Variants in FBXO9 observed in about 807,000 individuals in gnomAD.
The protein encoded by FBXO9 is F-box protein 9, also known as F-box only protein 9.
Under a neutral mutation model 63.7 loss-of-function variants are expected in FBXO9, and 43 were observed. The ratio of observed to expected loss-of-function variants is 0.67; its 90% CI spans 0.53 to 0.87. The LOEUF (loss-of-function observed/expected upper bound fraction) is 0.87. Ranked by LOEUF, FBXO9 falls within the 40% of genes least tolerant of loss-of-function variation. FBXO9 has a pLI of 0.00. For missense variants in FBXO9, 442 were observed against 533.2 expected (o/e 0.83, Z 1.68); for synonymous variants, 156 against 171.7 (o/e 0.91, Z 0.72).
At chr6:53,065,371 G>C (rs1768650406), upstream of FBXO9, 2 of 170,990 alleles carry the variant, frequency 1.2e-5, no homozygotes, top group South Asian at 1.9e-4. Flanking sequence ...ATGGGTGGCC[G>C]GGCCGCCCAC....
intron 7 of FBXO9, among the ~76,000 whole-genome samples, chr6:53,083,590 A>T (rs761753330): frequency 2.6e-5 from 4 of 152,220 alleles, no homozygotes; most frequent in Non-Finnish European, 5.9e-5. Context: ...CGCCAGTCTG[A>T]GATTGGACAG....
chr6:53,086,910 A>T (rs889717393), intron 7 of FBXO9, among the ~76,000 whole-genome samples: 3 of 152,100 alleles, frequency 2.0e-5, no homozygotes, highest in Non-Finnish European at 2.9e-5. Context: ...CAAAAAAATT[A>T]GCTGGGTGTG....
chr6:53,083,589 G>C (rs558627773), intron 7 of FBXO9, among the ~76,000 whole-genome samples: 8 of 152,350 alleles, frequency 5.3e-5, no homozygotes, highest in African/African-American at 1.9e-4. Context: ...ACGCCAGTCT[G>C]AGATTGGACA....
intron 9 of FBXO9, 118 bp from the exon 10 acceptor site, chr6:53,093,348 C>T (rs1763101448): frequency 5.1e-6 from 3 of 593,768 alleles, no homozygotes; most frequent in Non-Finnish European, 5.9e-6. Context: ...GTTCTTTAGC[C>T]CGTGGTATTT....
intron 1 of FBXO9, among the ~76,000 whole-genome samples, chr6:53,067,466 A>G (rs1315377840): frequency 1.3e-5 from 2 of 152,186 alleles, no homozygotes; most frequent in East Asian, 3.8e-4. Flanking sequence ...ACTAAGATGA[A>G]CCCTGAGCTG....
rs756742490 is a variant in FBXO9, at chr6:53,071,052, C to A, written c.4-5C>A. ...CCTGACATTATTTGGGTTTTCCCCC[C>A]TCAGGCAGAAGCTGAGGAAGATTGT... On this transcript the variant is annotated splice_region_variant and splice_polypyrimidine_tract_variant and intron_variant, in intron 1 of 12. Coordinates refer to ENST00000323557, the MANE Select transcript of FBXO9 (RefSeq NM_033480.3). 6 of 1,567,892 alleles carry A rather than the reference C, an allele frequency of 3.8e-6. No individual in the cohort carries two copies. Among genetic ancestry groups the A allele is most frequent in the South Asian group, 3.5e-5 (3 of 85,110 alleles).
At chr6:53,089,685 G>A (rs1762990308) in intron 7 of FBXO9, among the ~76,000 whole-genome samples, 1 of 152,134 alleles carries the variant, frequency 6.6e-6, no homozygotes, top group South Asian at 2.1e-4. Context: ...AAGACAAAAA[G>A]TTTATCATCT....
At position 53,078,791 on chromosome 6, in the gene FBXO9, T is replaced by A; in HGVS notation, c.308-8T>A. 2.5e-6 allele frequency: 4 copies of A among 1,601,254 alleles called. No homozygotes were observed. The highest frequency in any genetic ancestry group is 3.4e-6 in the Non-Finnish European group (4 of 1,168,548). ...TCACAGCTAATTTAGCTTTATTTCT[T>A]CTTTTAGCCATCAAGTTTTATCGTA... On this transcript the variant is annotated splice_polypyrimidine_tract_variant and splice_region_variant and intron_variant, in intron 4 of 12. Transcript: ENST00000323557.
rs1286579524 is a variant in FBXO9, at chr6:53,078,850, A to G, written c.359A>G (p.Lys120Arg). The change falls in exon 5 of 13, where the codon AAG becomes AGG. Residue 120 changes from lysine to arginine, a missense_variant. Transcript: ENST00000323557. ...AMQLVPDIEF[K>R]ITYTRSPDGD... Reference sequence around the variant, plus strand: ...CAACTTGTACCTGATATAGAGTTCAAGATTACTTATACCCGGTCTCCAGAT... The same window carrying G: ...CAACTTGTACCTGATATAGAGTTCAGGATTACTTATACCCGGTCTCCAGAT... 6.2e-7 allele frequency: 1 copy of G among 1,613,794 alleles called. No homozygotes were observed. The highest frequency in any genetic ancestry group is 1.3e-5 in the African/African-American group (1 of 74,932).
chr6:53,069,311 T>A (rs1347785692), intron 1 of FBXO9, among the ~76,000 whole-genome samples: 4 of 152,230 alleles, frequency 2.6e-5, no homozygotes, highest in Non-Finnish European at 4.4e-5. Flanking sequence ...GTGAAGAAGA[T>A]AACTATAAAG....
rs1763066317 is a variant in FBXO9, at chr6:53,092,442, T to C, written c.667T>C (p.Trp223Arg). 6.2e-7 allele frequency: 1 copy of C among 1,613,558 alleles called. No individual in the cohort carries two copies. Among genetic ancestry groups the C allele is most frequent in the Non-Finnish European group, 8.5e-7 (1 of 1,179,490 alleles). ...TTTATTCCCTAGAGACCCTGAAATA[T>C]GGCGTCTGGCCTGCTTGAAAGTTTG... ...FYICARDPEI[W>R]RLACLKVWGR... Residue 223 changes from tryptophan to arginine, a missense_variant, in exon 8 of 13, where the codon TGG (tryptophan) becomes CGG (arginine). Around this residue, in one of 2 missense-constraint regions of FBXO9, gnomAD observed 262 missense variants for 362.1 expected, o/e 0.72. Transcript: ENST00000323557.
chr6:53,093,779 T>C, intron 10 of FBXO9, 106 bp from the exon 11 acceptor site: 1 of 974,206 alleles, frequency 1.0e-6, no homozygotes, highest in Non-Finnish European at 1.5e-6. Flanking sequence ...CAATCCTAGC[T>C]GATTCTTTTC....
intron 12 of FBXO9, among the ~76,000 whole-genome samples, chr6:53,096,731 C>T (rs1763223367): frequency 6.6e-6 from 1 of 152,044 alleles, no homozygotes; most frequent in Admixed American, 6.6e-5. Flanking sequence ...ACTGGGTGAC[C>T]CCATCTCTAC....
chr6:53,069,272 A>G (rs888312263), intron 1 of FBXO9, among the ~76,000 whole-genome samples: 10 of 152,258 alleles, frequency 6.6e-5, no homozygotes, highest in African/African-American at 2.4e-4. Context: ...GTATCAAGTT[A>G]TATCTGATTG....
intron 1 of FBXO9, chr6:53,067,848 A>G (rs1043837727): frequency 6.6e-6 from 1 of 152,098 alleles, no homozygotes; most frequent in Admixed American, 6.5e-5. Context: ...TAATCCTTAA[A>G]TTTTCCATTT....
At position 53,095,421 on chromosome 6, in the gene FBXO9, T is replaced by C. The variant is rs369240645; in HGVS notation, c.1054-92T>C. 23 of 1,200,386 alleles carry C rather than the reference T, an allele frequency of 1.9e-5. No individual in the cohort carries two copies. The East Asian group carries it at 4.5e-4, about 23-fold the overall frequency. The allele number at this position is 1,200,386 out of a possible 1,614,324, so 74.4% of individuals were successfully genotyped here. On this transcript the variant is annotated intron_variant, in intron 11 of 12. Coordinates refer to ENST00000323557, the MANE Select transcript of FBXO9 (RefSeq NM_033480.3). Reference sequence around the variant, plus strand: ...GACTCTTTACTGCATGCAAATATTATGTTACTTTTAGTGTCACTGTTGCAT... The same window carrying C: ...GACTCTTTACTGCATGCAAATATTACGTTACTTTTAGTGTCACTGTTGCAT...
intron 1 of FBXO9, among the ~76,000 whole-genome samples, chr6:53,067,715 A>G (rs1171615281): frequency 1.3e-5 from 2 of 152,172 alleles, no homozygotes; most frequent in African/African-American, 4.8e-5. Context: ...AGAGAGAGAA[A>G]TACACTTCTC....
chr6:53,071,564 GA>G (rs1768918193), intron 2 of FBXO9, among the ~76,000 whole-genome samples: 1 of 152,192 alleles, frequency 6.6e-6, no homozygotes, highest in African/African-American at 2.4e-5. Flanking sequence ...TGGAAGAACA[GA>G]GGATAAAAAG....
At position 53,090,698 on chromosome 6, in the gene FBXO9, C is replaced by T. The variant is rs539885830; in HGVS notation, c.654-1731C>T. Among the ~76,000 whole-genome samples, 10 of 152,196 alleles carry T rather than the reference C, an allele frequency of 6.6e-5. No homozygotes were observed. The South Asian group carries it at 1.2e-3, about 19-fold the overall frequency. On this transcript the variant is annotated intron_variant, in intron 7 of 12. Coordinates refer to ENST00000323557, the MANE Select transcript of FBXO9 (RefSeq NM_033480.3). Reference sequence around the variant, plus strand: ...ATTTACTTATTTATGAATGAATGAACAAGACAAGGTCTTGTTCTGTCGCCC... The same window carrying T: ...ATTTACTTATTTATGAATGAATGAATAAGACAAGGTCTTGTTCTGTCGCCC...
Sources: allele counts gnomAD v4.1 joint callset (sites outside exome capture counted in the v4.1 genomes callset), GRCh38; gene constraint gnomAD v4.1.1; regional missense constraint gnomAD v4.1.1; transcripts MANE v1.5; gene names NCBI Gene and HGNC (gene_info 2026-07-23, HGNC 2026-07-21).